PSMF1: variants seen among roughly 807,000 people sequenced by gnomAD.
PSMF1 encodes the protein proteasome inhibitor subunit 1, also known as proteasome inhibitor PI31 subunit.
PSMF1 carries 30 observed loss-of-function variants against 29.3 expected under a neutral mutation model. That is an observed-to-expected ratio of 1.02 (90% CI 0.77 to 1.39). The LOEUF is 1.39. PSMF1 is among the 40% of genes most tolerant of loss of function. The pLI, the probability that PSMF1 is intolerant of heterozygous loss-of-function variation, is 0.00. For synonymous variants in PSMF1, 134 were observed against 139.7 expected (o/e 0.96, Z 0.29); for missense variants, 344 against 357.5 (o/e 0.96, Z 0.31).
intron 2 of PSMF1, 46 bp downstream of exon 2, chr20:1,125,696 A>G: frequency 6.3e-7 from 1 of 1,583,520 alleles, no homozygotes; most frequent in African/African-American, 1.4e-5. Context: ...TGGGGATAGG[A>G]ATGGCTGTTT....
rs190171892 is a variant in PSMF1 at position 1,167,223 on chromosome 20, C to T, written c.*2143C>T. 6 of 152,222 alleles carry T rather than the reference C, an allele frequency of 3.9e-5. No individual in the cohort carries two copies. The highest frequency in any genetic ancestry group is 3.3e-4 in the Admixed American group (5 of 15,282). The allele number at this position is 152,222 out of a possible 1,614,324, so 9.4% of individuals were successfully genotyped here. On this transcript the variant is annotated 3_prime_UTR_variant, in exon 7 of 7. Coordinates refer to ENST00000335877, the MANE Select transcript of PSMF1 (RefSeq NM_006814.5). Reference sequence around the variant, plus strand: ...TCTGGGCCACTTCCCTCCTTCCAGTCATGAGTAATCATCAAGGAGCAAGTT... The same window carrying T: ...TCTGGGCCACTTCCCTCCTTCCAGTTATGAGTAATCATCAAGGAGCAAGTT...
chr20:1,144,574 T>C (rs2086425222), intron 4 of PSMF1, among the ~76,000 whole-genome samples: 1 of 152,238 alleles, frequency 6.6e-6, no homozygotes, highest in Non-Finnish European at 1.5e-5. Flanking sequence ...GGTTTATCCA[T>C]ACTGTGGAAT....
At chr20:1,131,228 A>C (rs1032479552) in intron 3 of PSMF1, among the ~76,000 whole-genome samples, 2 of 152,210 alleles carry the variant, frequency 1.3e-5, no homozygotes, top group African/African-American at 4.8e-5. Flanking sequence ...CCTAGGAATT[A>C]TACTGGCCAT....
chr20:1,143,147 G>A (rs1190165869), intron 4 of PSMF1, among the ~76,000 whole-genome samples: 1 of 152,174 alleles, frequency 6.6e-6, no homozygotes, highest in Admixed American at 6.5e-5. Context: ...GATATAGCAA[G>A]ATACAGCAGA....
rs749699730 is a variant in PSMF1 at position 1,163,197 on chromosome 20, G to A, written c.605+14G>A. On this transcript the variant is annotated intron_variant, in intron 5 of 6. Transcript: ENST00000335877. This position sits in a 1 kb window ranked among gnomAD's most constrained non-coding sequence, Gnocchi z 6.1. Reference sequence around the variant, plus strand: ...AGACCCTTTTGGGTGAGTACTGCTGGGGAGGTGGCAGCAACACAACTTGCT... The same window carrying A: ...AGACCCTTTTGGGTGAGTACTGCTGAGGAGGTGGCAGCAACACAACTTGCT... 1 of 1,613,808 alleles carries A rather than the reference G, an allele frequency of 6.2e-7. No homozygotes were observed. Among genetic ancestry groups the A allele is most frequent in the Admixed American group, 1.7e-5 (1 of 60,008 alleles).
At chr20:1,148,116 G>T (rs1279667364) in intron 4 of PSMF1, among the ~76,000 whole-genome samples, 1 of 152,174 alleles carries the variant, frequency 6.6e-6, no homozygotes, top group East Asian at 1.9e-4. Context: ...AGCGTAAAGA[G>T]ACTTGTTTCC....
Position 1,135,128 on chromosome 20 carries a change from A to G in PSMF1, c.373A>G (p.Lys125Glu), listed in dbSNP as rs2086287076. The G allele has an allele frequency of 6.2e-7, 1 of 1,614,134 alleles. No individual in the cohort carries two copies. The highest frequency in any genetic ancestry group is 8.5e-7 in the Non-Finnish European group (1 of 1,180,012). ...TTCATCTGCTTCCTGCAGGACCTAC[A>G]AGAACAGTGAGGAGCTTCGGTCTCG... is the stretch of plus-strand genomic sequence containing the variant. ...EHLGDFHRTY[K>E]NSEELRSRIV... The change falls in exon 4 of 7, where the codon AAG (lysine) becomes GAG (glutamate). Residue 125 changes from lysine to glutamate, a missense_variant. Coordinates refer to ENST00000335877, the MANE Select transcript of PSMF1 (RefSeq NM_006814.5).
intron 1 of PSMF1, among the ~76,000 whole-genome samples, chr20:1,119,731 C>A (rs891840607): frequency 6.6e-6 from 1 of 152,192 alleles, no homozygotes; most frequent in African/African-American, 2.4e-5. Flanking sequence ...TTCTTTCTTT[C>A]CTGTCTCTTC....
chr20:1,164,385 T>TC lies in PSMF1; in HGVS notation c.675dup (p.Ser226LeufsTer19), dbSNP rs1396699379. On this transcript the variant is annotated frameshift_variant, in exon 6 of 7. Transcript: ENST00000335877. LOFTEE classifies it high-confidence loss of function. The surrounding 1 kb of genome is among the most constrained non-coding windows in gnomAD (Gnocchi z 4.1). ...CTTCCCAAGAGCACTTATTGACCCT[T>TC]CCTCAGGCCTCCCGAACCGACTTCC... The TC allele has an allele frequency of 1.2e-6, 2 of 1,613,874 alleles. No individual in the cohort carries two copies. Among genetic ancestry groups the TC allele is most frequent in the African/African-American group, 2.7e-5 (2 of 74,876 alleles).
At chr20:1,127,908 A>G (rs188611765) in intron 3 of PSMF1, among the ~76,000 whole-genome samples, 16 of 152,364 alleles carry the variant, frequency 1.1e-4, no homozygotes, top group African/African-American at 3.8e-4. Context: ...CAGAAAGTGC[A>G]GAGCATTCCC....
intron 4 of PSMF1, chr20:1,161,832 A>G (rs2086670817): frequency 6.1e-6 from 2 of 328,560 alleles, no homozygotes; most frequent in Admixed American, 8.5e-5. Context: ...TTTGTCCTTG[A>G]AGCTTGTGTC....
At chr20:1,142,566 C>T (rs2086397234) in intron 4 of PSMF1, among the ~76,000 whole-genome samples, 1 of 152,182 alleles carries the variant, frequency 6.6e-6, no homozygotes, top group South Asian at 2.1e-4. Flanking sequence ...TGGTGGTTTC[C>T]AGCTTCATCC....
At position 1,164,396 on chromosome 20, in the gene PSMF1, C is replaced by A; in HGVS notation, c.684C>A (p.Leu228=). 1.2e-6 allele frequency: 2 copies of A among 1,614,168 alleles called. No homozygotes were observed. The highest frequency in any genetic ancestry group is 1.7e-6 in the Non-Finnish European group (2 of 1,180,006). ...CACTTATTGACCCTTCCTCAGGCCTCCCGAACCGACTTCCTCCAGGCGCTG... is the reference window on the plus strand; with the variant it reads ...CACTTATTGACCCTTCCTCAGGCCTACCGAACCGACTTCCTCCAGGCGCTG... ...PRALIDPSSG[L]PNRLPPGAVP... Residue 228 remains leucine, a synonymous_variant, in exon 6 of 7, where the codon CTC becomes CTA. Coordinates refer to ENST00000335877, the MANE Select transcript of PSMF1 (RefSeq NM_006814.5). This position sits in a 1 kb window ranked among gnomAD's most constrained non-coding sequence, Gnocchi z 4.1.
chr20:1,148,620 T>C (rs1568477074), intron 4 of PSMF1, among the ~76,000 whole-genome samples: 1 of 152,226 alleles, frequency 6.6e-6, no homozygotes, highest in Non-Finnish European at 1.5e-5. Context: ...ATCCATTTAC[T>C]AAAGTGCCAA....
chr20:1,164,368 G>C lies in PSMF1; in HGVS notation c.656G>C (p.Arg219Thr). 1 of 1,614,040 alleles carries C rather than the reference G, an allele frequency of 6.2e-7. No homozygotes were observed. Residue 219 changes from arginine to threonine, a missense_variant, in exon 6 of 7, where the codon AGA becomes ACA. Transcript: ENST00000335877. The surrounding 1 kb of genome is among the most constrained non-coding windows in gnomAD (Gnocchi z 4.1). ...GATCCCCTGAGATCTGGCTTCCCAA[G>C]AGCACTTATTGACCCTTCCTCAGGC... ...IVDPLRSGFP[R>T]ALIDPSSGLP...
rs191640858 is a variant in PSMF1, at chr20:1,124,838, C to T, written c.130-660C>T. 5.3e-5 allele frequency among the ~76,000 whole-genome samples: 8 copies of T among 152,268 alleles called. No individual in the cohort carries two copies. In the East Asian group the frequency reaches 1.5e-3, roughly 29 times the overall value. On this transcript the variant is annotated intron_variant, in intron 1 of 6. Transcript: ENST00000335877. ...ATTTGAAGCTATATTTTTATGGTTG[C>T]ATGTATAGTAATATAACTCTAAGGA...
At chr20:1,116,996 G>T (rs1216725120), upstream of PSMF1, among the ~76,000 whole-genome samples, 1 of 152,232 alleles carries the variant, frequency 6.6e-6, no homozygotes, top group African/African-American at 2.4e-5. Context: ...GGAAGCTACT[G>T]CAATAGTCTA....
At chr20:1,115,987 T>TC (rs1168570858), upstream of PSMF1, among the ~76,000 whole-genome samples, 1 of 151,102 alleles carries the variant, frequency 6.6e-6, no homozygotes, top group Non-Finnish European at 1.5e-5. Context: ...TGCCTCAGCC[T>TC]CCCAAAGTGC....
intron 3 of PSMF1, among the ~76,000 whole-genome samples, chr20:1,128,619 A>G (rs1043624681): frequency 3.3e-5 from 5 of 152,248 alleles, no homozygotes; most frequent in African/African-American, 1.2e-4. Context: ...TTTTAAAATC[A>G]GTATAATGAA....
Sources: allele counts gnomAD v4.1 joint callset (sites outside exome capture counted in the v4.1 genomes callset), GRCh38; gene constraint gnomAD v4.1.1; non-coding constraint Gnocchi (gnomAD v3.1); transcripts MANE v1.5; gene names NCBI Gene and HGNC (gene_info 2026-07-23, HGNC 2026-07-21).